Variants in LRMDA observed in about 807,000 individuals in gnomAD.
LRMDA encodes leucine-rich melanocyte differentiation-associated protein.
Under a neutral mutation model 29.8 loss-of-function variants are expected in LRMDA, and 18 were observed. The observed-to-expected ratio is 0.60, with a 90% CI of 0.42 to 0.90. LRMDA has a LOEUF of 0.90. Ranked by LOEUF, LRMDA falls within the 40% of genes least tolerant of loss-of-function variation. LRMDA has a pLI of 0.00. For missense variants in LRMDA, 273 were observed against 273.9 expected, an observed-to-expected ratio of 1.00 and a Z score of 0.02; for synonymous variants, 125 against 109.4, an observed-to-expected ratio of 1.14 and a Z score of -0.89.
At chr10:76,291,998 AGACATATACACAT>A (rs1184977647) in intron 5 of LRMDA, among the ~76,000 whole-genome samples, 1 of 152,150 alleles carries the variant, frequency 6.6e-6, no homozygotes, top group Non-Finnish European at 1.5e-5. Flanking sequence ...AAAGAAGACC[AGACATATACACAT>A]GAAAATGTCA....
chr10:76,548,436 T>C (rs1589233422), intron 6 of LRMDA, among the ~76,000 whole-genome samples: 1 of 131,726 alleles, frequency 7.6e-6, no homozygotes, highest in East Asian at 2.1e-4. Flanking sequence ...TCAGGCTTCA[T>C]CTTTGGCTTG....
chr10:75,617,919 A>G (rs920386257), intron 2 of LRMDA, among the ~76,000 whole-genome samples: 1 of 152,196 alleles, frequency 6.6e-6, no homozygotes, highest in African/African-American at 2.4e-5. Context: ...GGGCAAATCA[A>G]CCTCGCTAGG....
chr10:75,810,257 T>C (rs1278829937), intron 2 of LRMDA, among the ~76,000 whole-genome samples: 1 of 152,194 alleles, frequency 6.6e-6, no homozygotes, highest in Non-Finnish European at 1.5e-5. Context: ...TTAAGTGTCC[T>C]GAGCAGGGAG....
At chr10:76,196,515 C>G (rs1851333549) in intron 5 of LRMDA, among the ~76,000 whole-genome samples, 1 of 152,214 alleles carries the variant, frequency 6.6e-6, no homozygotes, top group African/African-American at 2.4e-5. Context: ...GCAGTGATCT[C>G]TCCCTGTGCT....
At chr10:75,781,392 T>C (rs180968920) in intron 2 of LRMDA, among the ~76,000 whole-genome samples, 329 of 152,296 alleles carry the variant, frequency 2.2e-3, no homozygotes, top group Non-Finnish European at 2.9e-3. Context: ...GGAGATGATA[T>C]TATGATTATT....
At chr10:76,117,600 G>A (rs1849688190) in intron 5 of LRMDA, among the ~76,000 whole-genome samples, 1 of 152,170 alleles carries the variant, frequency 6.6e-6, no homozygotes, top group Admixed American at 6.5e-5. Flanking sequence ...GAATGACCTA[G>A]TGCTCCAAAA....
intron 2 of LRMDA, chr10:75,743,579 G>A (rs1842856379): frequency 6.6e-6 from 1 of 152,190 alleles, no homozygotes; most frequent in African/African-American, 2.4e-5. Context: ...AGAGTTCTGA[G>A]AAGTTTTGAA....
chr10:75,763,058 T>C (rs1013349054), intron 2 of LRMDA, among the ~76,000 whole-genome samples: 2 of 152,224 alleles, frequency 1.3e-5, no homozygotes, highest in Non-Finnish European at 2.9e-5. Flanking sequence ...TTTTCATGTC[T>C]ATCTTCAAAT....
At chr10:76,408,901 G>A (rs916780176) in intron 6 of LRMDA, among the ~76,000 whole-genome samples, 2 of 152,174 alleles carry the variant, frequency 1.3e-5, no homozygotes, top group East Asian at 3.9e-4. Flanking sequence ...AGATGGCTTC[G>A]GAACCCTGGG....
At chr10:76,448,602 C>T (rs1842375989) in intron 6 of LRMDA, among the ~76,000 whole-genome samples, 2 of 152,018 alleles carry the variant, frequency 1.3e-5, no homozygotes, top group African/African-American at 2.4e-5. Flanking sequence ...TCCGATATCT[C>T]TTTTGATATT....
chr10:76,152,035 C>T (rs927692795), intron 5 of LRMDA, among the ~76,000 whole-genome samples: 1 of 152,150 alleles, frequency 6.6e-6, no homozygotes, highest in Non-Finnish European at 1.5e-5. Flanking sequence ...TTTCTTAGAA[C>T]ATAAAATTCT....
chr10:75,846,177 TTGTGTGTGTGTGTGTGTGTGTG>T (rs59549881), intron 2 of LRMDA, among the ~76,000 whole-genome samples: 1 of 142,976 alleles, frequency 7.0e-6, no homozygotes, highest in Non-Finnish European at 1.5e-5. Flanking sequence ...GTGTGTGTGT[TTGTGTGTGTGTGTGTGTGTGTG>T]TGTGTGTGTG....
chr10:76,179,685 C>G (rs1033067285), intron 5 of LRMDA, among the ~76,000 whole-genome samples: 1 of 152,140 alleles, frequency 6.6e-6, no homozygotes, highest in Non-Finnish European at 1.5e-5. Flanking sequence ...AATCCACGGA[C>G]ATATTTATAT....
At chr10:75,686,735 G>A (rs1842086495) in intron 2 of LRMDA, among the ~76,000 whole-genome samples, 1 of 152,084 alleles carries the variant, frequency 6.6e-6, no homozygotes, top group Non-Finnish European at 1.5e-5. Context: ...TTGTTTTATT[G>A]AGCTTTGTTT....
intron 2 of LRMDA, among the ~76,000 whole-genome samples, chr10:75,730,698 T>G (rs1411686030): frequency 6.6e-6 from 1 of 152,160 alleles, no homozygotes; most frequent in African/African-American, 2.4e-5. Flanking sequence ...CTTTTTCAGG[T>G]GATTGCAAAT....
chr10:75,609,843 A>C (rs997541020), intron 2 of LRMDA, among the ~76,000 whole-genome samples: 1 of 152,142 alleles, frequency 6.6e-6, no homozygotes, highest in Admixed American at 6.5e-5. Flanking sequence ...GTAGGCAGGG[A>C]TGTAGTCTCC....
chr10:76,553,014 G>C (rs1390703990), intron 6 of LRMDA, among the ~76,000 whole-genome samples: 3 of 152,184 alleles, frequency 2.0e-5, no homozygotes, highest in Non-Finnish European at 4.4e-5. Context: ...AAAAGATAAA[G>C]GGCCTCTTTA....
chr10:75,919,883 G>A (rs967327761), intron 2 of LRMDA, among the ~76,000 whole-genome samples: 1 of 152,050 alleles, frequency 6.6e-6, no homozygotes, highest in Non-Finnish European at 1.5e-5. Flanking sequence ...TGACACGTCC[G>A]AGTAGGCAGC....
chr10:76,060,153 G>A (rs929285834), intron 5 of LRMDA, among the ~76,000 whole-genome samples: 2 of 152,114 alleles, frequency 1.3e-5, no homozygotes, highest in Non-Finnish European at 2.9e-5. Context: ...TACAACAAAT[G>A]CACTCTATAA....
Sources: allele counts gnomAD v4.1 joint callset (sites outside exome capture counted in the v4.1 genomes callset), GRCh38; gene constraint gnomAD v4.1.1; transcripts MANE v1.5; gene names NCBI Gene and HGNC (gene_info 2026-07-23, HGNC 2026-07-21).